GRIN1: variants seen among roughly 807,000 people sequenced by gnomAD.
GRIN1 encodes glutamate ionotropic receptor NMDA type subunit 1, also known as glutamate receptor ionotropic, NMDA 1.
Under a neutral mutation model 103.0 loss-of-function variants are expected in GRIN1, and 38 were observed. The observed-to-expected ratio is 0.37, with a 90% confidence interval of 0.28 to 0.48. The LOEUF (loss-of-function observed/expected upper bound fraction) is 0.48. Among genes scored for constraint, GRIN1 ranks in the 20% least tolerant of loss-of-function variants. GRIN1 has a pLI of 0.98. For missense variants in GRIN1, 577 were observed against 1,288.9 expected (o/e 0.45, Z 8.46); for synonymous variants, 544 against 532.7 (o/e 1.02, Z -0.29).
At chr9:137,151,321 C>T (rs1254061240) in intron 4 of GRIN1, among the ~76,000 whole-genome samples, 2 of 145,550 alleles carry the variant, frequency 1.4e-5, no homozygotes, top group African/African-American at 2.6e-5. Flanking sequence ...ATAAAAGCTC[C>T]GCCCAGGGAA....
intron 18 of GRIN1, chr9:137,164,881 T>A: frequency 4.8e-6 from 2 of 420,918 alleles, no homozygotes; most frequent in Non-Finnish European, 8.9e-6. Context: ...GGACTCCTCC[T>A]CCTCGGGACG....
At chr9:137,140,038 TG>T (rs1353099818) in intron 1 of GRIN1, among the ~76,000 whole-genome samples, 1 of 151,706 alleles carries the variant, frequency 6.6e-6, no homozygotes, top group African/African-American at 2.4e-5. Context: ...TGTGTCAGTG[TG>T]GGGGTGGGCA....
intron 4 of GRIN1, among the ~76,000 whole-genome samples, chr9:137,152,807 C>T (rs1832979577): frequency 6.6e-6 from 1 of 152,158 alleles, no homozygotes; most frequent in South Asian, 2.1e-4. Context: ...ACATACCATA[C>T]ACACGTGCAC....
At chr9:137,152,358 A>G (rs767825470) in intron 4 of GRIN1, among the ~76,000 whole-genome samples, 1 of 152,166 alleles carries the variant, frequency 6.6e-6, no homozygotes, top group Non-Finnish European at 1.5e-5. Context: ...GAATTTCTTC[A>G]TCCAAGATGG....
rs530185927 is a variant in GRIN1, at chr9:137,145,621, G to A, written c.394-105G>A. ...ATGGGGGTGGGGACAGGGGTGGGAG[G>A]AGGGGGGTTCCCAGCCTCCGGCGGG... On this transcript the variant is annotated intron_variant, in intron 2 of 19. Transcript: ENST00000371561. 4.1e-4 allele frequency: 368 copies of A among 888,716 alleles called. 5 individuals are homozygous for A. The East Asian group carries it at 6.4e-3, about 15-fold the overall frequency. 55.1% of individuals were successfully genotyped at this position (888,716 alleles called of 1,614,324 possible).
At chr9:137,161,801 G>A in intron 10 of GRIN1, 123 bp from the exon 11 acceptor site, 2 of 1,019,552 alleles carry the variant, frequency 2.0e-6, no homozygotes, top group Admixed American at 4.0e-5. Context: ...TGGGGCCTGC[G>A]AGCTGGGTAG....
chr9:137,159,161 G>A (rs1260805596), intron 8 of GRIN1, among the ~76,000 whole-genome samples: 2 of 152,038 alleles, frequency 1.3e-5, no homozygotes, highest in East Asian at 3.9e-4. Context: ...ACTCCCCTGG[G>A]CCTCTGAGAG....
At chr9:137,156,549 C>A in intron 4 of GRIN1, 120 bp from the exon 5 acceptor site, 1 of 1,418,024 alleles carries the variant, frequency 7.1e-7, no homozygotes. Context: ...CTGCAGGCTT[C>A]GCTCTAGGAG....
intron 19 of GRIN1, among the ~76,000 whole-genome samples, chr9:137,165,803 T>A (rs892623316): frequency 1.3e-5 from 2 of 152,202 alleles, no homozygotes; most frequent in African/African-American, 2.4e-5. Flanking sequence ...TCCGTCTGTC[T>A]GGCCACTGGC....
intron 1 of GRIN1, among the ~76,000 whole-genome samples, chr9:137,141,494 C>G (rs572950018): frequency 1.3e-5 from 2 of 152,314 alleles, no homozygotes; most frequent in African/African-American, 4.8e-5. Context: ...CCGTCACAGG[C>G]CCTGCCCCTG....
intron 6 of GRIN1, 78 bp downstream of exon 6, chr9:137,157,115 C>A (rs1309912617): frequency 2.1e-6 from 1 of 482,114 alleles, no homozygotes; most frequent in Non-Finnish European, 3.2e-6. Flanking sequence ...TGGGCGGGGC[C>A]GCTCTTGGGG....
intron 19 of GRIN1, 24 bp downstream of exon 19, chr9:137,165,320 C>T (rs754410824): frequency 2.2e-6 from 3 of 1,387,764 alleles, no homozygotes; most frequent in Non-Finnish European, 3.1e-6. Context: ...CACCCCAGTC[C>T]CGCGTCCGAC....
At chr9:137,151,225 G>A (rs1233353073) in intron 4 of GRIN1, among the ~76,000 whole-genome samples, 2 of 116,570 alleles carry the variant, frequency 1.7e-5, no homozygotes, top group Admixed American at 1.8e-4. Context: ...AGTCGCGCCT[G>A]GTGAAAGCCC....
intron 1 of GRIN1, among the ~76,000 whole-genome samples, chr9:137,141,468 G>A (rs1366380141): frequency 6.6e-6 from 1 of 152,190 alleles, no homozygotes; most frequent in African/African-American, 2.4e-5. Context: ...AGGGCTTGGT[G>A]TTGTTCAGAC....
intron 3 of GRIN1, 34 bp from the exon 4 acceptor site, chr9:137,148,975 C>A: frequency 6.7e-7 from 1 of 1,490,854 alleles, no homozygotes; most frequent in East Asian, 2.3e-5. Flanking sequence ...TCCCCTGCCC[C>A]AGCCGCCTGC....
chr9:137,163,356 T>C, intron 16 of GRIN1, 26 bp downstream of exon 16: 2 of 1,611,706 alleles, frequency 1.2e-6, no homozygotes, highest in Non-Finnish European at 1.7e-6. Flanking sequence ...CCCGCGTCCC[T>C]CCTCCGCCCC....
Position 137,142,003 on chromosome 9 carries a change from G to C in GRIN1, c.259-10G>C. 6.2e-7 allele frequency: 1 copy of C among 1,614,088 alleles called. No homozygotes were observed. The highest frequency in any genetic ancestry group is 1.1e-5 in the South Asian group (1 of 91,082). Reference sequence around the variant, plus strand: ...CTGACTCAAGCTGATCATGTCTCCTGTGTCCACAGGTCTACGCCATCCTAG... The same window carrying C: ...CTGACTCAAGCTGATCATGTCTCCTCTGTCCACAGGTCTACGCCATCCTAG... On this transcript the variant is annotated splice_polypyrimidine_tract_variant and intron_variant, in intron 1 of 19. Coordinates refer to ENST00000371561, the MANE Select transcript of GRIN1 (RefSeq NM_007327.4).
intron 2 of GRIN1, among the ~76,000 whole-genome samples, chr9:137,144,608 T>TTGCGCCAC (rs374968558): frequency 0.014 from 2,144 of 148,732 alleles, 50 homozygotes; most frequent in African/African-American, 0.045. Flanking sequence ...TGAGCCGAGA[T>TTGCGCCAC]TGCACTCCAG....
chr9:137,141,005 T>C (rs1267204823), intron 1 of GRIN1, among the ~76,000 whole-genome samples: 2 of 152,134 alleles, frequency 1.3e-5, no homozygotes, highest in Non-Finnish European at 2.9e-5. Context: ...CATCTGGGAC[T>C]GGGGAGGGAC....
Sources: gnomAD v4.1 joint callset for allele counts (sites outside exome capture counted in the v4.1 genomes callset) on GRCh38, gnomAD v4.1.1 for gene constraint, MANE v1.5 for transcripts, NCBI Gene and HGNC (gene_info 2026-07-23, HGNC 2026-07-21) for gene names.